The following RPL35A variants were observed in gnomAD, a reference collection of about 807,000 sequenced individuals.
RPL35A encodes large ribosomal subunit protein eL33.
In RPL35A, 1 loss-of-function variant was observed where a neutral mutation model predicts 16.7. The observed-to-expected ratio is 0.06, with a 90% confidence interval of 0.02 to 0.28. RPL35A has a LOEUF of 0.28. Among genes scored for constraint, RPL35A ranks in the 10% least tolerant of loss-of-function variants. The pLI is 1.00. For synonymous variants in RPL35A, 58 were observed against 47.0 expected, an observed-to-expected ratio of 1.23 and a Z score of -0.96; for missense variants, 91 against 138.7, an observed-to-expected ratio of 0.66 and a Z score of 1.73.
At chr3:197,953,507 G>A (rs1720289487) in intron 3 of RPL35A, 1 of 456,502 alleles carries the variant, frequency 2.2e-6, no homozygotes, top group Non-Finnish European at 4.4e-6. Flanking sequence ...ACCCCTTGGT[G>A]TCTTCAGTCT....
rs771499183 is a variant in RPL35A, at chr3:197,956,279, T to C, written c.*506T>C. The C allele has an allele frequency of 6.0e-6, 1 of 165,916 alleles. No individual in the cohort carries two copies. Among genetic ancestry groups the C allele is most frequent in the Non-Finnish European group, 1.3e-5 (1 of 75,388 alleles). The allele number at this position is 165,916 out of a possible 1,614,324, so 10.3% of individuals were successfully genotyped here. A position where few individuals can be genotyped will look rare whatever the true frequency, so the allele number is the denominator to read the frequency against. On this transcript the variant is annotated 3_prime_UTR_variant, in exon 5 of 5. Coordinates refer to ENST00000647248, the MANE Select transcript of RPL35A (RefSeq NM_000996.4). ...AGTGCTTTGTGATACTATGCATTTG[T>C]TCAATGCAGATTGGGAAACTTAAAA...
At chr3:197,955,049 T>C (rs1720420423) in intron 4 of RPL35A, among the ~76,000 whole-genome samples, 1 of 152,172 alleles carries the variant, frequency 6.6e-6, no homozygotes, top group African/African-American at 2.4e-5. Context: ...TTTTCTCCTG[T>C]AATTTTTCTC....
At chr3:197,954,299 T>G in intron 4 of RPL35A, 152 bp downstream of exon 4, 1 of 777,658 alleles carries the variant, frequency 1.3e-6, no homozygotes, top group Middle Eastern at 2.3e-4. Flanking sequence ...GGAGAGATAG[T>G]AATTGAAAGA....
intron 1 of RPL35A, 147 bp downstream of exon 1, chr3:197,950,368 G>T: frequency 8.2e-7 from 1 of 1,213,552 alleles, no homozygotes; most frequent in Non-Finnish European, 1.0e-6. Context: ...CAGGATGGAG[G>T]AGATGTTGGG....
chr3:197,950,924 GTTTGT>G lies in RPL35A; in HGVS notation c.-32-8_-32-4del, dbSNP rs1560119750. On this transcript the variant is annotated splice_region_variant and splice_polypyrimidine_tract_variant and intron_variant, in intron 1 of 4. Coordinates refer to ENST00000647248, the MANE Select transcript of RPL35A (RefSeq NM_000996.4). ...GGCTTGGTTTTAAACTAATCTTTTT[GTTTGT>G]TTTAAGGCCTGCTGGGAACGGGACT... 5.0e-6 allele frequency: 8 copies of G among 1,613,542 alleles called. No individual in the cohort carries two copies. Among genetic ancestry groups the G allele is most frequent in the Non-Finnish European group, 5.9e-6 (7 of 1,179,668 alleles).
chr3:197,950,893 T>C, intron 1 of RPL35A, 43 bp from the exon 2 acceptor site: 1 of 1,604,384 alleles, frequency 6.2e-7, no homozygotes, highest in Non-Finnish European at 8.5e-7. Flanking sequence ...GGTGGGAAAC[T>C]TGTGTGGCTT....
At chr3:197,953,982 T>C (rs1720331386) in intron 3 of RPL35A, 21 bp from the exon 4 acceptor site, 1 of 1,611,852 alleles carries the variant, frequency 6.2e-7, no homozygotes, top group African/African-American at 1.3e-5. Flanking sequence ...GTATTCCTCT[T>C]CTTTCCCTTT....
In RPL35A at chr3:197,951,325, A is replaced by G. The variant is rs1361966309; in HGVS notation, c.164+14A>G. On this transcript the variant is annotated intron_variant, in intron 3 of 4. Transcript: ENST00000647248. ...TAAAGCAAAGAAGTAAGTTTATGAC[A>G]CTGGTAGGTTTTGGGTTTTTGAGAT... 6.2e-7 allele frequency: 1 copy of G among 1,613,644 alleles called. No individual in the cohort carries two copies. Among genetic ancestry groups the G allele is most frequent in the Non-Finnish European group, 8.5e-7 (1 of 1,179,708 alleles).
intron 3 of RPL35A, 59 bp from the exon 4 acceptor site, chr3:197,953,944 T>G: frequency 1.3e-6 from 2 of 1,595,920 alleles, no homozygotes; most frequent in South Asian, 1.1e-5. Context: ...AGAGGTCACC[T>G]TGAATTTGTA....
chr3:197,951,514 G>A (rs1720084059), intron 3 of RPL35A: 2 of 574,736 alleles, frequency 3.5e-6, no homozygotes, highest in South Asian at 3.9e-5. Context: ...CACCACGCCC[G>A]GCTAGTTTTT....
intron 3 of RPL35A, among the ~76,000 whole-genome samples, chr3:197,951,987 G>C (rs1034114332): frequency 1.3e-5 from 2 of 152,172 alleles, no homozygotes; most frequent in Admixed American, 6.5e-5. Context: ...CGTTACTTCT[G>C]AGGGTGGTGT....
Position 197,955,983 on chromosome 3 carries a change from A to T in RPL35A, c.*210A>T. 1 of 562,212 alleles carries T rather than the reference A, an allele frequency of 1.8e-6. No individual in the cohort carries two copies. The highest frequency in any genetic ancestry group is 3.2e-6 in the Non-Finnish European group (1 of 311,510). The allele number at this position is 562,212 out of a possible 1,614,324, so 34.8% of individuals were successfully genotyped here. On this transcript the variant is annotated 3_prime_UTR_variant, in exon 5 of 5. Transcript: ENST00000647248. ...GAAGGGAACGGGTTTTAATGCGAGTATCTTTGACAGAGTCTTGCTCTGTTG... is the reference window on the plus strand; with the variant it reads ...GAAGGGAACGGGTTTTAATGCGAGTTTCTTTGACAGAGTCTTGCTCTGTTG...
chr3:197,951,466 T>G (rs546189127), intron 3 of RPL35A, 155 bp downstream of exon 3: 2 of 779,552 alleles, frequency 2.6e-6, no homozygotes, highest in Non-Finnish European at 4.3e-6. Context: ...AAGTGTCCTG[T>G]CTCAGCCTCC....
chr3:197,955,720 C>G (rs1560124594), intron 4 of RPL35A, 30 bp from the exon 5 acceptor site: 2 of 1,565,508 alleles, frequency 1.3e-6, no homozygotes, highest in African/African-American at 1.4e-5. Context: ...TAACATTCAC[C>G]TAATGTTTTG....
At chr3:197,954,209 C>T in intron 4 of RPL35A, 62 bp downstream of exon 4, 5 of 1,575,312 alleles carry the variant, frequency 3.2e-6, no homozygotes, top group Non-Finnish European at 4.4e-6. Context: ...AGGTGTTGTG[C>T]TTTGACTTCT....
At chr3:197,951,092 GGGTGATTACAAGTCAGATT>G (rs1720034792) in intron 2 of RPL35A, 48 bp from the exon 3 acceptor site, 1 of 1,607,796 alleles carries the variant, frequency 6.2e-7, no homozygotes. Flanking sequence ...TTTTGGGTGG[GGGTGATTACAAGTCAGATT>G]GGTTTTTTGA....
chr3:197,955,643 G>A (rs1720470861), intron 4 of RPL35A, 107 bp from the exon 5 acceptor site: 2 of 1,005,580 alleles, frequency 2.0e-6, no homozygotes, highest in South Asian at 2.5e-5. Flanking sequence ...CTTACCACTA[G>A]AACATGTAAT....
chr3:197,954,004 A>G lies in RPL35A; in HGVS notation c.166A>G (p.Asn56Asp). The change falls in exon 4 of 5, where the codon AAC (asparagine) becomes GAC (aspartate). Residue 56 changes from asparagine (N) to aspartate (D), a missense_variant and splice_region_variant. Coordinates refer to ENST00000647248, the MANE Select transcript of RPL35A (RefSeq NM_000996.4). ...RCAYVYKAKN[N>D]TVTPGGKPNK... ...TCTTCTTTCCCTTTTTAAAATCAGC[A>G]ACACAGTCACTCCTGGCGGCAAACC... The G allele has an allele frequency of 1.9e-6, 3 of 1,612,730 alleles. No individual in the cohort carries two copies. Among genetic ancestry groups the G allele is most frequent in the South Asian group, 1.1e-5 (1 of 91,014 alleles).
At position 197,954,188 on chromosome 3, in the gene RPL35A, G is replaced by C. The variant is rs1248023267; in HGVS notation, c.309+41G>C. On this transcript the variant is annotated intron_variant, in intron 4 of 4. Coordinates refer to ENST00000647248, the MANE Select transcript of RPL35A (RefSeq NM_000996.4). ...AGCAAAATGGACGTCTGATGAATCA[G>C]ACTAGGTTCAAGGTGTTGTGCTTTG... The C allele has an allele frequency of 3.1e-6, 5 of 1,609,924 alleles. No homozygotes were observed. The Admixed American group carries it at 8.3e-5, about 27-fold the overall frequency.
Sources: gnomAD v4.1 joint callset for allele counts (sites outside exome capture counted in the v4.1 genomes callset) on GRCh38, gnomAD v4.1.1 for gene constraint, MANE v1.5 for transcripts, NCBI Gene and HGNC (gene_info 2026-07-23, HGNC 2026-07-21) for gene names.